Variants in PLEKHA7 observed in about 807,000 individuals in gnomAD.
PLEKHA7 encodes the protein pleckstrin homology domain containing A7, also known as pleckstrin homology domain-containing family A member 7.
A neutral mutation model predicts 170.0 loss-of-function variants in PLEKHA7; 104 were observed. The ratio of observed to expected loss-of-function variants is 0.61; its 90% CI spans 0.52 to 0.72. The LOEUF is 0.72. Ranked by LOEUF, PLEKHA7 falls within the 30% of genes least tolerant of loss-of-function variation. The pLI is 0.00. For missense variants in PLEKHA7, 1,615 were observed against 1,671.7 expected (o/e 0.97, Z 0.59); for synonymous variants, 648 against 660.8 (o/e 0.98, Z 0.30).
chr11:16,783,154 T>C (rs1849161959), intron 25 of PLEKHA7, among the ~76,000 whole-genome samples: 1 of 152,200 alleles, frequency 6.6e-6, no homozygotes, highest in Non-Finnish European at 1.5e-5. Flanking sequence ...AGACATGAGA[T>C]GGCTAAGCCA....
intron 3 of PLEKHA7, among the ~76,000 whole-genome samples, chr11:16,962,471 C>A (rs1300593067): frequency 6.6e-6 from 1 of 152,148 alleles, no homozygotes; most frequent in East Asian, 1.9e-4. Flanking sequence ...CCACAAGCAC[C>A]TTATTTTTGG....
At chr11:16,815,631 T>C (rs769860981) in intron 12 of PLEKHA7, among the ~76,000 whole-genome samples, 4 of 152,126 alleles carry the variant, frequency 2.6e-5, no homozygotes, top group African/African-American at 4.8e-5. Context: ...TTCTCGTATC[T>C]CAGCCTTCCG....
intron 9 of PLEKHA7, among the ~76,000 whole-genome samples, chr11:16,831,402 T>A (rs1425093778): frequency 6.6e-6 from 1 of 152,096 alleles, no homozygotes; most frequent in African/African-American, 2.4e-5. Flanking sequence ...AGCACAACGA[T>A]GGGAAGGAAT....
chr11:16,976,562 G>T (rs1049745437), intron 3 of PLEKHA7, among the ~76,000 whole-genome samples: 1 of 152,210 alleles, frequency 6.6e-6, no homozygotes, highest in African/African-American at 2.4e-5. Context: ...CCCAACTTCT[G>T]TGAGGCCCTA....
chr11:16,799,990 G>A (rs528513377), intron 17 of PLEKHA7, among the ~76,000 whole-genome samples: 63 of 152,312 alleles, frequency 4.1e-4, no homozygotes, highest in African/African-American at 1.5e-3. Flanking sequence ...TCAACTTTCT[G>A]GGGTGAGGCT....
intron 9 of PLEKHA7, among the ~76,000 whole-genome samples, chr11:16,836,803 T>TTTTG (rs1564987121): frequency 6.6e-6 from 1 of 151,820 alleles, no homozygotes; most frequent in African/African-American, 2.4e-5. Flanking sequence ...GGGCTTTTTT[T>TTTTG]TTTTGTTTTT....
chr11:16,820,913 AG>A (rs1850165449), intron 10 of PLEKHA7, among the ~76,000 whole-genome samples: 1 of 152,204 alleles, frequency 6.6e-6, no homozygotes, highest in Non-Finnish European at 1.5e-5. Flanking sequence ...ACTATGGAGG[AG>A]GGACACAGGA....
At chr11:16,932,978 G>A (rs966626251) in intron 3 of PLEKHA7, among the ~76,000 whole-genome samples, 1 of 152,152 alleles carries the variant, frequency 6.6e-6, no homozygotes, top group Non-Finnish European at 1.5e-5. Context: ...TAGGAATTTG[G>A]GTTCTCTTCC....
At chr11:16,783,871 A>C (rs1849227068) in intron 24 of PLEKHA7, 38 bp from the exon 25 acceptor site, 3 of 1,394,558 alleles carry the variant, frequency 2.2e-6, no homozygotes, top group Non-Finnish European at 2.8e-6. Flanking sequence ...GGAGAGGCTC[A>C]GATGTCTGGG....
rs897940301 is a variant in PLEKHA7, at chr11:16,782,797, G to A, written c.3750C>T (p.Tyr1250=). 2.7e-5 allele frequency: 41 copies of A among 1,536,048 alleles called. No individual in the cohort carries two copies. The highest frequency in any genetic ancestry group is 8.3e-5 in the South Asian group (7 of 84,064). The change falls in exon 26 of 27, where the codon TAC becomes TAT. Residue 1250 remains tyrosine (Y), a synonymous_variant. Transcript: ENST00000531066. The part of the protein sequence containing the change: ...QEQERIINIS[Y]ALASEASQRS... Reference sequence around the variant, plus strand: ...GCTGGGAGGCCTCGGAGGCCAGGGCGTAGGAGATGTTGATGATGCGCTCCT... The same window carrying A: ...GCTGGGAGGCCTCGGAGGCCAGGGCATAGGAGATGTTGATGATGCGCTCCT...
intron 4 of PLEKHA7, among the ~76,000 whole-genome samples, chr11:16,862,091 G>C (rs758214031): frequency 6.6e-6 from 1 of 152,112 alleles, no homozygotes; most frequent in Non-Finnish European, 1.5e-5. Flanking sequence ...TGTCTGACAC[G>C]GGTTTTCATT....
At chr11:16,910,564 C>A (rs1227021118) in intron 3 of PLEKHA7, among the ~76,000 whole-genome samples, 1 of 152,188 alleles carries the variant, frequency 6.6e-6, no homozygotes, top group Non-Finnish European at 1.5e-5. Context: ...CACGGCTTCC[C>A]CCACTAAAGC....
At chr11:16,872,996 T>C (rs1854987236) in intron 3 of PLEKHA7, among the ~76,000 whole-genome samples, 1 of 152,172 alleles carries the variant, frequency 6.6e-6, no homozygotes. Flanking sequence ...TTATAATCTA[T>C]ATCTCTTTCA....
intron 9 of PLEKHA7, among the ~76,000 whole-genome samples, chr11:16,840,286 C>T (rs955965296): frequency 1.3e-5 from 2 of 152,138 alleles, no homozygotes; most frequent in African/African-American, 2.4e-5. Flanking sequence ...ACAGGCCGGG[C>T]GTGGTGGCTC....
intron 3 of PLEKHA7, among the ~76,000 whole-genome samples, chr11:16,914,363 T>C (rs1353500908): frequency 6.6e-6 from 1 of 152,170 alleles, no homozygotes; most frequent in African/African-American, 2.4e-5. Context: ...GCGCCATAAA[T>C]CTATTTCATC....
intron 9 of PLEKHA7, among the ~76,000 whole-genome samples, chr11:16,829,864 CT>C (rs752599462): frequency 7.8e-6 from 1 of 128,784 alleles, no homozygotes; most frequent in Non-Finnish European, 1.5e-5. Flanking sequence ...TTTCTTTTTT[CT>C]TTTTTTCACA....
chr11:16,800,015 C>A (rs986743689), intron 17 of PLEKHA7, among the ~76,000 whole-genome samples: 1 of 152,166 alleles, frequency 6.6e-6, no homozygotes, highest in Admixed American at 6.5e-5. Context: ...TCTGGAGAGT[C>A]AACATACTCA....
At chr11:16,893,624 G>C (rs1359942890) in intron 3 of PLEKHA7, among the ~76,000 whole-genome samples, 1 of 152,216 alleles carries the variant, frequency 6.6e-6, no homozygotes, top group Non-Finnish European at 1.5e-5. Context: ...CTTGAGGTCA[G>C]AGCAGTAACA....
intron 3 of PLEKHA7, among the ~76,000 whole-genome samples, chr11:16,877,260 T>C (rs900577093): frequency 1.3e-5 from 2 of 152,142 alleles, no homozygotes; most frequent in Non-Finnish European, 2.9e-5. Flanking sequence ...CTATCTTTGT[T>C]CTAAATACCA....
Sources: gnomAD v4.1 joint callset for allele counts (sites outside exome capture counted in the v4.1 genomes callset) on GRCh38, gnomAD v4.1.1 for gene constraint, MANE v1.5 for transcripts, NCBI Gene and HGNC (gene_info 2026-07-23, HGNC 2026-07-21) for gene names.